Variants in RALGPS1 observed in about 807,000 individuals in gnomAD.
The protein encoded by RALGPS1 is ras-specific guanine nucleotide-releasing factor RalGPS1.
In RALGPS1, 19 loss-of-function variants were observed where a neutral mutation model predicts 78.8. The observed-to-expected ratio is 0.24, with a 90% confidence interval of 0.17 to 0.35. The LOEUF (loss-of-function observed/expected upper bound fraction) is 0.35. RALGPS1 is among the 10% of genes least tolerant of loss of function. The pLI is 1.00. For missense variants in RALGPS1, 454 were observed against 688.3 expected (o/e 0.66, Z 3.81); for synonymous variants, 228 against 256.3 (o/e 0.89, Z 1.06).
chr9:127,153,590 A>G (rs958383256), intron 8 of RALGPS1, among the ~76,000 whole-genome samples: 2 of 152,050 alleles, frequency 1.3e-5, no homozygotes, highest in Non-Finnish European at 2.9e-5. Context: ...GGCGGCGCAC[A>G]TCACTGAGTG....
chr9:127,059,222 G>A (rs1248497389), intron 7 of RALGPS1, among the ~76,000 whole-genome samples: 2 of 152,168 alleles, frequency 1.3e-5, no homozygotes, highest in Non-Finnish European at 2.9e-5. Context: ...ACCCTCTGAT[G>A]TTGTTGAGAA....
rs111591138 is a variant in RALGPS1, at chr9:126,918,733, C to T, written c.-66+3758C>T. On this transcript the variant is annotated intron_variant, in intron 1 of 18. Coordinates refer to ENST00000259351, the MANE Select transcript of RALGPS1 (RefSeq NM_014636.3). ...TGTTGCCCAGGCTGGAGTGCAATGG[C>T]GCGATCTTGGCTCACAGCAACCTCC... Among the ~76,000 whole-genome samples the T allele has an allele frequency of 6.3e-3, 929 of 148,050 alleles. 4 individuals are homozygous for T. The highest frequency in any genetic ancestry group is 0.01 in the Non-Finnish European group (695 of 67,454).
chr9:127,098,060 AC>A (rs754133284), intron 8 of RALGPS1, among the ~76,000 whole-genome samples: 1 of 151,706 alleles, frequency 6.6e-6, no homozygotes, highest in African/African-American at 2.4e-5. Context: ...GAAGTTGTTC[AC>A]CCCCCCAACT....
intron 8 of RALGPS1, among the ~76,000 whole-genome samples, chr9:127,164,525 A>G (rs981042777): frequency 2.2e-5 from 3 of 134,800 alleles, no homozygotes; most frequent in African/African-American, 8.4e-5. Flanking sequence ...ATGAGCCACC[A>G]TGCCTGGCCT....
intron 4 of RALGPS1, among the ~76,000 whole-genome samples, chr9:127,017,136 C>T (rs1468663870): frequency 1.3e-5 from 2 of 152,124 alleles, no homozygotes; most frequent in Non-Finnish European, 2.9e-5. Flanking sequence ...AGTCATATGT[C>T]ACTTAAAGAT....
intron 5 of RALGPS1, among the ~76,000 whole-genome samples, chr9:127,047,269 AATG>A (rs1217294953): frequency 1.3e-5 from 2 of 152,238 alleles, no homozygotes; most frequent in Non-Finnish European, 2.9e-5. Context: ...TATTTAAGAA[AATG>A]ATGATACTTC....
intron 8 of RALGPS1, among the ~76,000 whole-genome samples, chr9:127,082,492 G>A (rs2051278245): frequency 6.6e-6 from 1 of 152,202 alleles, no homozygotes; most frequent in Non-Finnish European, 1.5e-5. Flanking sequence ...CACTCCTGCT[G>A]TGGGCAGGAG....
chr9:127,132,962 A>C (rs1045638014), intron 8 of RALGPS1, among the ~76,000 whole-genome samples: 3 of 152,186 alleles, frequency 2.0e-5, no homozygotes, highest in African/African-American at 7.2e-5. Flanking sequence ...GCCCCACTGC[A>C]TGCTAGCTGT....
At chr9:126,983,527 T>C (rs2041519244) in intron 4 of RALGPS1, among the ~76,000 whole-genome samples, 2 of 152,192 alleles carry the variant, frequency 1.3e-5, no homozygotes, top group Admixed American at 1.3e-4. Context: ...CTTAACAAAA[T>C]TAGCAATAAT....
intron 10 of RALGPS1, among the ~76,000 whole-genome samples, chr9:127,174,199 CAG>C (rs2059714195): frequency 6.9e-6 from 1 of 144,006 alleles, no homozygotes; most frequent in Admixed American, 7.3e-5. Context: ...AGCCTGGCGA[CAG>C]AGCAAGACTC....
chr9:126,963,225 C>T (rs908139015), intron 2 of RALGPS1, among the ~76,000 whole-genome samples: 9 of 152,170 alleles, frequency 5.9e-5, no homozygotes, highest in Admixed American at 4.6e-4. Context: ...TGGTGTGTCA[C>T]TGGAAAGTTA....
At chr9:127,041,910 T>C (rs939745930) in intron 5 of RALGPS1, among the ~76,000 whole-genome samples, 1 of 152,182 alleles carries the variant, frequency 6.6e-6, no homozygotes, top group African/African-American at 2.4e-5. Context: ...CCATGAAGGC[T>C]GAGGCAGAGA....
At chr9:126,915,394 A>C (rs2034027701) in intron 1 of RALGPS1, 1 of 108,250 alleles carries the variant, frequency 9.2e-6, no homozygotes. Context: ...CAAGGAAAGC[A>C]CAGGTGCGGG....
intron 8 of RALGPS1, among the ~76,000 whole-genome samples, chr9:127,132,329 G>A (rs920162112): frequency 2.0e-5 from 3 of 152,036 alleles, no homozygotes; most frequent in African/African-American, 7.2e-5. Context: ...GGAAATAAAG[G>A]GTACGTTAAA....
At chr9:127,130,335 T>C (rs1406722955) in intron 8 of RALGPS1, among the ~76,000 whole-genome samples, 1 of 152,244 alleles carries the variant, frequency 6.6e-6, no homozygotes, top group South Asian at 2.1e-4. Context: ...CAGTAAATGC[T>C]GGCTTTCTTC....
Position 127,002,203 on chromosome 9 carries a change from A to G in RALGPS1, c.216+24458A>G, listed in dbSNP as rs115186469. The stretch of plus-strand genomic sequence containing the variant: ...AGTTTTGTCTGTTTTTGAACTTTAT[A>G]TAAATAGAATCATAAAATACGTACA... On this transcript the variant is annotated intron_variant, in intron 4 of 18. Transcript: ENST00000259351. 9.5e-3 allele frequency among the ~76,000 whole-genome samples: 1,451 copies of G among 152,290 alleles called. 23 individuals are homozygous for G. Among genetic ancestry groups the G allele is most frequent in the African/African-American group, 0.033 (1,366 of 41,572 alleles).
In RALGPS1 at chr9:127,184,228, C is replaced by G. The variant is rs140298732; in HGVS notation, c.910+9446C>G. On this transcript the variant is annotated intron_variant, in intron 11 of 18. Transcript: ENST00000259351. ...CAGCCCCAGCTCCTCAGGGCTTAGG[C>G]GAGATCGCTTGATCCCAGGAGGGGG... The G allele has an allele frequency of 3.5e-5, 20 of 567,894 alleles. No homozygotes were observed. The East Asian group carries it at 7.4e-4, about 21-fold the overall frequency. 35.2% of individuals were successfully genotyped at this position (567,894 alleles called of 1,614,324 possible).
In RALGPS1 at chr9:127,091,410, T is replaced by A. The variant is rs1312745361; in HGVS notation, c.610+22054T>A. ...TGGCCCCAGCTGGCCCTGGTACGTG[T>A]GATTTGTATACCTCTTTATGTCTCG... On this transcript the variant is annotated intron_variant, in intron 8 of 18. Coordinates refer to ENST00000259351, the MANE Select transcript of RALGPS1 (RefSeq NM_014636.3). This position sits in a 1 kb window ranked among gnomAD's most constrained non-coding sequence, Gnocchi z 4.3. Among the ~76,000 whole-genome samples the A allele has an allele frequency of 6.6e-6, 1 of 152,222 alleles. No individual in the cohort carries two copies. The highest frequency in any genetic ancestry group is 1.5e-5 in the Non-Finnish European group (1 of 68,046).
chr9:127,137,112 G>T (rs2057450652), intron 8 of RALGPS1, among the ~76,000 whole-genome samples: 1 of 152,212 alleles, frequency 6.6e-6, no homozygotes, highest in East Asian at 1.9e-4. Context: ...GGGTAACTGA[G>T]ATAATGGCCT....
Sources: gnomAD v4.1 joint callset for allele counts (sites outside exome capture counted in the v4.1 genomes callset) on GRCh38, gnomAD v4.1.1 for gene constraint, Gnocchi (gnomAD v3.1) non-coding constraint, MANE v1.5 for transcripts, NCBI Gene and HGNC (gene_info 2026-07-23, HGNC 2026-07-21) for gene names.